The following MYOM2 variants were observed in gnomAD, a reference collection of about 807,000 sequenced individuals.
MYOM2 encodes myomesin-2.
MYOM2 carries 254 observed loss-of-function variants against 187.6 expected under a neutral mutation model. The observed-to-expected ratio is 1.35, with a 90% confidence interval of 1.22 to 1.50. The LOEUF is 1.50. Ranked by LOEUF, MYOM2 falls within the 40% of genes most tolerant of loss-of-function variation. The pLI is 0.00. For missense variants in MYOM2, 2,796 were observed against 1,924.0 expected, an observed-to-expected ratio of 1.45 and a Z score of -8.48; for synonymous variants, 981 against 753.8, an observed-to-expected ratio of 1.30 and a Z score of -4.94.
intron 16 of MYOM2, among the ~76,000 whole-genome samples, chr8:2,092,737 G>A (rs1796351638): frequency 6.9e-6 from 1 of 143,986 alleles, no homozygotes; most frequent in African/African-American, 2.5e-5. Flanking sequence ...ATTTATTTAT[G>A]GATGAAAGGA....
intron 1 of MYOM2, among the ~76,000 whole-genome samples, chr8:2,047,078 A>G (rs1818334123): frequency 1.3e-5 from 2 of 152,202 alleles, no homozygotes; most frequent in Admixed American, 1.3e-4. Flanking sequence ...AGTATTCCAC[A>G]GTCTGAAAAA....
At position 2,069,355 on chromosome 8, in the gene MYOM2, T is replaced by C; in HGVS notation, c.731T>C (p.Val244Ala). ...GGACAAGTGTCCACCAACGCGGCGG[T>C]GGTGGTGAGAAGTGAGTGCCGGGTG... ...AHGQVSTNAA[V>A]VVRRFRGDEE... Residue 244 changes from valine (V) to alanine (A), a missense_variant, in exon 7 of 37, where the codon GTG becomes GCG. Val to Ala is a moderately conservative substitution (Grantham distance 64). Coordinates refer to ENST00000262113, the MANE Select transcript of MYOM2 (RefSeq NM_003970.4). 6.2e-7 allele frequency: 1 copy of C among 1,613,796 alleles called. No homozygotes were observed. The highest frequency in any genetic ancestry group is 8.5e-7 in the Non-Finnish European group (1 of 1,179,858).
Position 2,090,131 on chromosome 8 carries a change from C to G in MYOM2, c.1768C>G (p.Arg590Gly). 1 of 1,614,084 alleles carries G rather than the reference C, an allele frequency of 6.2e-7. No individual in the cohort carries two copies. ...TGTGTTCCGAGTGCTGTCAGCAAAC[C>G]GGCATGGCCTGAGCGAACCTTCGGA... ...SYVFRVLSANRHGLSEPSEIT... is the reference protein window; with the variant it reads ...SYVFRVLSANGHGLSEPSEIT... Residue 590 changes from arginine (R) to glycine (G), a missense_variant, in exon 15 of 37, where the codon CGG becomes GGG. Physicochemically the swap from Arg to Gly is moderately radical, Grantham distance 125 (BLOSUM62 -2). Transcript: ENST00000262113.
In MYOM2 at chr8:2,092,463, G is replaced by T. The variant is rs758985767; in HGVS notation, c.1946G>T (p.Cys649Phe). Residue 649 changes from cysteine (C) to phenylalanine (F), a missense_variant, in exon 16 of 37, where the codon TGT (cysteine) becomes TTT (phenylalanine). By Grantham distance (205) the Cys-to-Phe change is radical. Transcript: ENST00000262113. ...CTGCTGGGCTACTACGTGGACTGCTGTGTGGCCGGAACCAACCTCTGGGAG... is the reference window on the plus strand; with the variant it reads ...CTGCTGGGCTACTACGTGGACTGCTTTGTGGCCGGAACCAACCTCTGGGAG... ...EDLLGYYVDC[C>F]VAGTNLWEPC... The T allele has an allele frequency of 4.3e-5, 69 of 1,614,030 alleles. No individual in the cohort carries two copies. Among genetic ancestry groups the T allele is most frequent in the Non-Finnish European group, 5.1e-5 (60 of 1,180,024 alleles).
intron 5 of MYOM2, 101 bp downstream of exon 5, chr8:2,057,881 G>T: frequency 7.9e-7 from 1 of 1,270,772 alleles, no homozygotes; most frequent in Middle Eastern, 2.0e-4. Flanking sequence ...TGTGCTGGAG[G>T]CCACTTACCT....
At chr8:2,143,906 A>C (rs142769180) in intron 36 of MYOM2, among the ~76,000 whole-genome samples, 1 of 152,212 alleles carries the variant, frequency 6.6e-6, no homozygotes, top group Non-Finnish European at 1.5e-5. Context: ...CTCTGCTCCT[A>C]TTCTCAAGGT....
At position 2,123,609 on chromosome 8, in the gene MYOM2, C is replaced by G; in HGVS notation, c.3622C>G (p.Gln1208Glu). Residue 1208 changes from glutamine (Q) to glutamate (E), a missense_variant, in exon 30 of 37, where the codon CAA becomes GAA. Transcript: ENST00000262113. Reference protein sequence around the residue: ...YKATLKDDRGQDVSILEIAGK... With the variant: ...YKATLKDDRGEDVSILEIAGK... ...GGCAACCTTGAAAGATGACAGAGGC[C>G]AAGATGTGTCCATCCTTGAAATAGC... 6.2e-7 allele frequency: 1 copy of G among 1,614,106 alleles called. No individual in the cohort carries two copies. The highest frequency in any genetic ancestry group is 8.5e-7 in the Non-Finnish European group (1 of 1,180,000).
At chr8:2,081,363 T>G (rs1309097751) in intron 13 of MYOM2, among the ~76,000 whole-genome samples, 3 of 95,698 alleles carry the variant, frequency 3.1e-5, no homozygotes, top group East Asian at 3.4e-4. Flanking sequence ...CCAGCCCATG[T>G]AGAATGAGGT....
chr8:2,105,727 C>T (rs1218092993), intron 21 of MYOM2, among the ~76,000 whole-genome samples: 1 of 152,282 alleles, frequency 6.6e-6, no homozygotes, highest in East Asian at 1.9e-4. Flanking sequence ...CAGGTCCTCC[C>T]TAAAGTGTTT....
chr8:2,076,367 G>A (rs10109117), intron 11 of MYOM2, 85 bp downstream of exon 11: 709,880 of 1,500,398 alleles, frequency 0.47, 168,970 homozygotes, highest in African/African-American at 0.63. Context: ...TTTTCTCAAT[G>A]CAGGTTGACG....
chr8:2,132,068 G>A (rs779699581), intron 32 of MYOM2, among the ~76,000 whole-genome samples: 13 of 152,182 alleles, frequency 8.5e-5, no homozygotes, highest in Non-Finnish European at 1.8e-4. Context: ...ACTTCTTGAT[G>A]ACTAAATGCG....
intron 32 of MYOM2, among the ~76,000 whole-genome samples, chr8:2,130,334 A>T (rs1009730262): frequency 3.0e-4 from 35 of 115,634 alleles, no homozygotes; most frequent in Non-Finnish European, 3.2e-5. Context: ...CGCTATACCC[A>T]GGGCGCCCAC....
Position 2,064,755 on chromosome 8 carries a change from ACATCTCCCTCCTCCTTCTCCTC to A in MYOM2, c.654-4518_654-4497del, listed in dbSNP as rs551222178. Reference sequence around the variant, plus strand: ...CGAGGGGGGCCGTGGCCTGGGGAACACATCTCCCTCCTCCTTCTCCTCCATCCCCCTCCTCCTTCTCCTCTCC... The same window carrying A: ...CGAGGGGGGCCGTGGCCTGGGGAACACATCCCCCTCCTCCTTCTCCTCTCC... On this transcript the variant is annotated intron_variant, in intron 6 of 36. Coordinates refer to ENST00000262113, the MANE Select transcript of MYOM2 (RefSeq NM_003970.4). Among the ~76,000 whole-genome samples, 370 of 152,266 alleles carry A rather than the reference ACATCTCCCTCCTCCTTCTCCTC, an allele frequency of 2.4e-3. 1 individual carries two copies. Among genetic ancestry groups the A allele is most frequent in the African/African-American group, 8.2e-3 (342 of 41,548 alleles).
In MYOM2 at chr8:2,120,679, ATT is replaced by A. The variant is rs1797407692; in HGVS notation, c.3454-2572_3454-2571del. The stretch of plus-strand genomic sequence containing the variant: ...TCCTGTATATATATATATATATTAT[ATT>A]ATATATAAATATATAATATATATAT... On this transcript the variant is annotated intron_variant, in intron 28 of 36. Coordinates refer to ENST00000262113, the MANE Select transcript of MYOM2 (RefSeq NM_003970.4). Among the ~76,000 whole-genome samples, 3 of 24,406 alleles carry A rather than the reference ATT, an allele frequency of 1.2e-4. 1 individual carries two copies. The highest frequency in any genetic ancestry group is 4.8e-4 in the African/African-American group (3 of 6,202). The allele number at this position is 24,406 out of a possible 152,430, so 16.0% of individuals were successfully genotyped here.
At position 2,145,105 on chromosome 8, in the gene MYOM2, A is replaced by G. The variant is rs955784014; in HGVS notation, c.*124A>G. Reference sequence around the variant, plus strand: ...TGTGTGGGCTGATAGTTGATCACACATTGTGCTTTTGATTTTTGCATTTGG... The same window carrying G: ...TGTGTGGGCTGATAGTTGATCACACGTTGTGCTTTTGATTTTTGCATTTGG... On this transcript the variant is annotated 3_prime_UTR_variant, in exon 37 of 37. Transcript: ENST00000262113. 19 of 1,061,252 alleles carry G rather than the reference A, an allele frequency of 1.8e-5. No homozygotes were observed. Among genetic ancestry groups the G allele is most frequent in the Admixed American group, 8.4e-5 (3 of 35,800 alleles). 65.7% of individuals were successfully genotyped at this position (1,061,252 alleles called of 1,614,324 possible).
intron 1 of MYOM2, among the ~76,000 whole-genome samples, chr8:2,050,340 C>T (rs1466932786): frequency 1.3e-5 from 2 of 152,210 alleles, no homozygotes; most frequent in African/African-American, 4.8e-5. Flanking sequence ...ACACCTTCTA[C>T]CTGCCCCGGG....
intron 6 of MYOM2, 53 bp from the exon 7 acceptor site, chr8:2,069,225 C>T: frequency 1.9e-6 from 3 of 1,551,330 alleles, no homozygotes; most frequent in Non-Finnish European, 2.6e-6. Flanking sequence ...ATTCGGGTCA[C>T]TGACTTTTAC....
rs3765206 is a variant in MYOM2 at position 2,057,506 on chromosome 8, G to T, written c.402+20G>T. ...CAGATGGTAGGAGGGTCTCAGGGTGGCTGGGTGTCTGGGAAGCGTGGACTA... is the reference window on the plus strand; with the variant it reads ...CAGATGGTAGGAGGGTCTCAGGGTGTCTGGGTGTCTGGGAAGCGTGGACTA... On this transcript the variant is annotated intron_variant, in intron 4 of 36. Coordinates refer to ENST00000262113, the MANE Select transcript of MYOM2 (RefSeq NM_003970.4). The T allele has an allele frequency of 4.3e-6, 7 of 1,613,094 alleles. No individual in the cohort carries two copies. The highest frequency in any genetic ancestry group is 5.9e-6 in the Non-Finnish European group (7 of 1,179,526).
At chr8:2,079,397 A>C (rs974932075) in intron 12 of MYOM2, among the ~76,000 whole-genome samples, 163 bp from the exon 13 acceptor site, 1 of 151,986 alleles carries the variant, frequency 6.6e-6, no homozygotes, top group African/African-American at 2.4e-5. Flanking sequence ...AGAAGTGCTA[A>C]CTGTTACCAG....
Sources: allele counts gnomAD v4.1 joint callset (sites outside exome capture counted in the v4.1 genomes callset), GRCh38; gene constraint gnomAD v4.1.1; transcripts MANE v1.5; gene names NCBI Gene and HGNC (gene_info 2026-07-23, HGNC 2026-07-21).